The following TRMT61B variants were observed in gnomAD, a reference collection of about 807,000 sequenced individuals.
The protein encoded by TRMT61B is tRNA (adenine(58)-N(1))-methyltransferase, mitochondrial.
A neutral mutation model predicts 52.0 loss-of-function variants in TRMT61B; 56 were observed. The ratio of observed to expected loss-of-function variants is 1.08; its 90% CI spans 0.87 to 1.35. The LOEUF is 1.35. Among genes scored for constraint, TRMT61B ranks in the 40% most tolerant of loss-of-function variants. TRMT61B has a pLI of 0.00. For synonymous variants in TRMT61B, 206 were observed against 220.0 expected, an observed-to-expected ratio of 0.94 and a Z score of 0.56; for missense variants, 650 against 577.9, an observed-to-expected ratio of 1.12 and a Z score of -1.28.
At chr2:28,865,217 G>A in intron 1 of TRMT61B, 98 bp from the exon 2 acceptor site, 1 of 641,914 alleles carries the variant, frequency 1.6e-6, no homozygotes, top group South Asian at 2.0e-5. Context: ...AGAAGGGAGT[G>A]AAAAAACGAA....
intron 1 of TRMT61B, among the ~76,000 whole-genome samples, 181 bp from the exon 2 acceptor site, chr2:28,865,300 A>G (rs760060612): frequency 6.6e-6 from 1 of 152,256 alleles, no homozygotes; most frequent in African/African-American, 2.4e-5. Flanking sequence ...CAATTAACAA[A>G]TAAGGCAACA....
rs1164691712 is a variant in TRMT61B, at chr2:28,869,771, C to T, written c.507G>A (p.Lys169=). 5 of 1,614,026 alleles carry T rather than the reference C, an allele frequency of 3.1e-6. No individual in the cohort carries two copies. Among genetic ancestry groups the T allele is most frequent in the Admixed American group, 3.3e-5 (2 of 59,998 alleles). The part of the protein sequence containing the change: ...AETGEGETKF[K]KLFRLNNFGL... The stretch of plus-strand genomic sequence containing the variant: ...CGAAGTTGTTCAACCTAAATAATTT[C>T]TTAAATTTTGTTTCTCCCTCCCCAG... Residue 169 remains lysine (K), a synonymous_variant, in exon 1 of 7, where the codon AAG becomes AAA. Transcript: ENST00000306108.
At chr2:28,855,748 C>T (rs1386542434) in intron 3 of TRMT61B, among the ~76,000 whole-genome samples, 6 of 152,110 alleles carry the variant, frequency 3.9e-5, no homozygotes, top group Non-Finnish European at 8.8e-5. Context: ...GCGGGTGGAT[C>T]ACCTTAGGTG....
intron 3 of TRMT61B, among the ~76,000 whole-genome samples, chr2:28,855,970 C>G (rs1009219371): frequency 6.6e-5 from 10 of 151,820 alleles, no homozygotes; most frequent in African/African-American, 2.4e-4. Flanking sequence ...GACTCCATCT[C>G]AAATAAATAA....
At chr2:28,867,690 T>G (rs1669906327) in intron 1 of TRMT61B, among the ~76,000 whole-genome samples, 1 of 152,184 alleles carries the variant, frequency 6.6e-6, no homozygotes, top group Non-Finnish European at 1.5e-5. Context: ...CTCTCCTGAT[T>G]TTGTCTAATG....
At position 28,865,036 on chromosome 2, in the gene TRMT61B, G is replaced by A; in HGVS notation, c.783C>T (p.Ser261=). 1 of 1,611,338 alleles carries A rather than the reference G, an allele frequency of 6.2e-7. No homozygotes were observed. The highest frequency in any genetic ancestry group is 1.3e-5 in the African/African-American group (1 of 74,992). The change falls in exon 2 of 7, where the codon AGC becomes AGT. Residue 261 remains serine (S), a synonymous_variant. Transcript: ENST00000306108. ...LEAGSGSGGM[S]LFLSKAVGSQ... ...TCTTACCTGCTTTGGATAAAAATAA[G>A]CTCATTCCACCAGAGCCTGAGCCAG...
chr2:28,866,824 G>A (rs1400502616), intron 1 of TRMT61B, among the ~76,000 whole-genome samples: 1 of 152,104 alleles, frequency 6.6e-6, no homozygotes, highest in East Asian at 1.9e-4. Flanking sequence ...CTTGGTGACA[G>A]GGTCTCTGTC....
chr2:28,862,204 CAA>C (rs66527180), intron 2 of TRMT61B, among the ~76,000 whole-genome samples: 853 of 65,462 alleles, frequency 0.013, no homozygotes, highest in South Asian at 0.021. Flanking sequence ...GACTCCGTCT[CAA>C]AAAAAAAAAA....
Position 28,851,181 on chromosome 2 carries a change from T to C in TRMT61B, c.1203A>G (p.Lys401=), listed in dbSNP as rs1406608036. Residue 401 remains lysine, a synonymous_variant, in exon 5 of 7, where the codon AAA becomes AAG. Coordinates refer to ENST00000306108, the MANE Select transcript of TRMT61B (RefSeq NM_017910.4). ...RDWLVCLAKQ[K]NGILAQKVES... ...CTACTTTTTGAGCTAAAATTCCATT[T>C]TTCTGTTTTGCAAGGCAAACCAACC... 1.2e-5 allele frequency: 20 copies of C among 1,613,628 alleles called. No individual in the cohort carries two copies. The highest frequency in any genetic ancestry group is 3.3e-5 in the Admixed American group (2 of 59,938).
chr2:28,855,997 C>A (rs1291778746), intron 3 of TRMT61B, among the ~76,000 whole-genome samples: 1 of 151,184 alleles, frequency 6.6e-6, no homozygotes, highest in Non-Finnish European at 1.5e-5. Flanking sequence ...AAATAAATAT[C>A]CAAGTCAAGA....
chr2:28,857,685 G>T (rs1669402946), intron 3 of TRMT61B, among the ~76,000 whole-genome samples: 1 of 152,016 alleles, frequency 6.6e-6, no homozygotes, highest in Non-Finnish European at 1.5e-5. Flanking sequence ...CTTACCCAAG[G>T]TTACACTGGC....
intron 2 of TRMT61B, among the ~76,000 whole-genome samples, chr2:28,862,484 C>T (rs960863177): frequency 1.3e-5 from 2 of 151,092 alleles, no homozygotes; most frequent in African/African-American, 4.9e-5. Context: ...AGGTGTGTGC[C>T]ACCACACCCA....
Position 28,870,106 on chromosome 2 carries a change from G to GT in TRMT61B, c.171dup (p.Gln58ThrfsTer103). 1 of 1,614,036 alleles carries GT rather than the reference G, an allele frequency of 6.2e-7. No individual in the cohort carries two copies. Among genetic ancestry groups the GT allele is most frequent in the Non-Finnish European group, 8.5e-7 (1 of 1,180,040 alleles). On this transcript the variant is annotated frameshift_variant, in exon 1 of 7. Coordinates refer to ENST00000306108, the MANE Select transcript of TRMT61B (RefSeq NM_017910.4). LOFTEE classifies it high-confidence loss of function. ...GACTCTGCTCCTGGGGCTTTCCTTT[G>GT]TGCCGCCTCGTGCTCTCTTTCTCCA... is the stretch of plus-strand genomic sequence containing the variant.
chr2:28,862,835 TA>T (rs11325074), intron 2 of TRMT61B, among the ~76,000 whole-genome samples: 131,088 of 144,996 alleles, frequency 0.9, 59,231 homozygotes, highest in Non-Finnish European at 0.93. Context: ...TACCAAAAAA[TA>T]AAAAAAAAAA....
At chr2:28,858,787 T>A in intron 3 of TRMT61B, among the ~76,000 whole-genome samples, 1 of 79,684 alleles carries the variant, frequency 1.3e-5, no homozygotes, top group Non-Finnish European at 2.2e-5. Context: ...AGAGCAGGAC[T>A]CCGTCTCAAA....
chr2:28,852,670 A>AT (rs1219667688), intron 3 of TRMT61B, among the ~76,000 whole-genome samples, 171 bp from the exon 4 acceptor site: 6 of 152,186 alleles, frequency 3.9e-5, no homozygotes, highest in Non-Finnish European at 7.3e-5. Context: ...TATGTTAATT[A>AT]TTATACAGTT....
intron 3 of TRMT61B, among the ~76,000 whole-genome samples, chr2:28,853,434 C>T (rs1669208114): frequency 1.3e-5 from 2 of 152,118 alleles, no homozygotes; most frequent in African/African-American, 4.8e-5. Context: ...CCTCGGCCTC[C>T]CAAAATGCTG....
intron 3 of TRMT61B, among the ~76,000 whole-genome samples, chr2:28,853,859 T>C (rs1669228784): frequency 1.3e-5 from 2 of 151,970 alleles, no homozygotes; most frequent in South Asian, 4.1e-4. Flanking sequence ...ATATCCCTTA[T>C]TTCCTCTTTA....
Position 28,850,019 on chromosome 2 carries a change from T to C in TRMT61B, c.*180A>G. ...CTGCAAGACAAGTGTCAAAATGGGA[T>C]GTTTAAGCAGTTTTGCTATGTTATA... On this transcript the variant is annotated 3_prime_UTR_variant, in exon 7 of 7. Transcript: ENST00000306108. The C allele has an allele frequency of 7.8e-7, 1 of 1,280,848 alleles. No individual in the cohort carries two copies. The highest frequency in any genetic ancestry group is 1.1e-6 in the Non-Finnish European group (1 of 901,544). 79.3% of individuals were successfully genotyped at this position (1,280,848 alleles called of 1,614,324 possible). A position where few individuals can be genotyped will look rare whatever the true frequency, so the allele number is the denominator to read the frequency against.
Sources: gnomAD v4.1 joint callset for allele counts (sites outside exome capture counted in the v4.1 genomes callset) on GRCh38, gnomAD v4.1.1 for gene constraint, MANE v1.5 for transcripts, NCBI Gene and HGNC (gene_info 2026-07-23, HGNC 2026-07-21) for gene names.